RANBP2: variants seen among roughly 807,000 people sequenced by gnomAD.
The protein encoded by RANBP2 is RAN binding protein 2.
A neutral mutation model predicts 303.6 loss-of-function variants in RANBP2; 57 were observed. The ratio of observed to expected loss-of-function variants is 0.19; its 90% CI spans 0.15 to 0.23. The LOEUF is 0.23. Ranked by LOEUF, RANBP2 falls within the 10% of genes least tolerant of loss-of-function variation. RANBP2 has a pLI of 1.00. For missense variants in RANBP2, 3,138 were observed against 3,780.8 expected (o/e 0.83, Z 4.46); for synonymous variants, 1,167 against 1,301.5 (o/e 0.90, Z 2.23).
the RANBP2 span, among the ~76,000 whole-genome samples, chr2:109,293,646 G>A: frequency 6.6e-6 from 1 of 152,234 alleles, no homozygotes; most frequent in African/African-American, 2.4e-5. Context: ...TTGTCTTTGG[G>A]CAGGGCCCTC....
At chr2:108,906,034 C>T in the RANBP2 span, among the ~76,000 whole-genome samples, 1 of 146,342 alleles carries the variant, frequency 6.8e-6, no homozygotes, top group Non-Finnish European at 1.5e-5. Flanking sequence ...CTCACCGACC[C>T]TGCGTTTCCC....
the RANBP2 span, among the ~76,000 whole-genome samples, chr2:109,075,210 A>G: frequency 6.7e-6 from 1 of 149,826 alleles, no homozygotes; most frequent in Non-Finnish European, 1.5e-5. Context: ...AAACCCCGCA[A>G]AATCAGAGGT....
At chr2:109,245,481 T>C in the RANBP2 span, among the ~76,000 whole-genome samples, 1 of 152,236 alleles carries the variant, frequency 6.6e-6, no homozygotes, top group Non-Finnish European at 1.5e-5. Context: ...CTATGTGAGT[T>C]GATTATTTTC....
At chr2:109,672,714 G>A in the RANBP2 span, among the ~76,000 whole-genome samples, 42 of 152,070 alleles carry the variant, frequency 2.8e-4, no homozygotes, top group Non-Finnish European at 4.7e-4. Context: ...TTATAAGGCC[G>A]GTAATTTTGA....
chr2:109,371,575 C>T, the RANBP2 span: 38 of 1,613,054 alleles, frequency 2.4e-5, no homozygotes, highest in Middle Eastern at 3.3e-4. Flanking sequence ...ACGGTGGACC[C>T]GGAACTGCAG....
At chr2:108,857,089 T>C in the RANBP2 span, 1 of 533,118 alleles carries the variant, frequency 1.9e-6, no homozygotes, top group Non-Finnish European at 3.0e-6. Context: ...TTTTTTTTTT[T>C]TTTTTTTTGA....
chr2:108,977,927 T>G, the RANBP2 span, among the ~76,000 whole-genome samples: 2 of 152,240 alleles, frequency 1.3e-5, no homozygotes, highest in South Asian at 4.1e-4. Flanking sequence ...GCTTATTCTC[T>G]TATCTATAGG....
At chr2:108,774,941 C>A (rs1206867167) in intron 23 of RANBP2, among the ~76,000 whole-genome samples, 3 of 152,128 alleles carry the variant, frequency 2.0e-5, no homozygotes, top group Non-Finnish European at 4.4e-5. Context: ...TTCCTCCTGA[C>A]TTGGCCTCCC....
the RANBP2 span, among the ~76,000 whole-genome samples, chr2:109,646,657 ATTTTTTTTT>A: frequency 1.7e-5 from 2 of 119,016 alleles, no homozygotes; most frequent in East Asian, 2.5e-4. Flanking sequence ...ATGACTGGCT[ATTTTTTTTT>A]TTTTTTTTTT....
the RANBP2 span, among the ~76,000 whole-genome samples, chr2:109,519,251 T>A: frequency 6.6e-6 from 1 of 152,040 alleles, no homozygotes; most frequent in African/African-American, 2.4e-5. Flanking sequence ...ACCAGATCTC[T>A]CCTGAGAACT....
the RANBP2 span, among the ~76,000 whole-genome samples, chr2:109,685,877 G>A: frequency 1.3e-5 from 2 of 152,144 alleles, no homozygotes; most frequent in African/African-American, 4.8e-5. Flanking sequence ...GGAGAGTTGG[G>A]AAGAGCATGG....
At chr2:108,960,491 G>A in the RANBP2 span, among the ~76,000 whole-genome samples, 1 of 152,162 alleles carries the variant, frequency 6.6e-6, no homozygotes, top group South Asian at 2.1e-4. Flanking sequence ...TGGAAGGTGG[G>A]GGCATGAGGA....
the RANBP2 span, among the ~76,000 whole-genome samples, chr2:109,443,271 G>T: frequency 6.6e-6 from 1 of 152,236 alleles, no homozygotes; most frequent in Non-Finnish European, 1.5e-5. Context: ...ATTAACAGGT[G>T]CCAGAGCTGG....
At chr2:108,731,699 A>G in intron 4 of RANBP2, 2 of 846,070 alleles carry the variant, frequency 2.4e-6, no homozygotes, top group Non-Finnish European at 3.4e-6. Flanking sequence ...AATAATTAAT[A>G]TTTTAGGGAT....
At chr2:108,849,459 A>T in the RANBP2 span, among the ~76,000 whole-genome samples, 42 of 152,090 alleles carry the variant, frequency 2.8e-4, no homozygotes, top group Non-Finnish European at 5.3e-4. Context: ...ACTGGATTTC[A>T]GGAATACTGC....
the RANBP2 span, among the ~76,000 whole-genome samples, chr2:109,392,376 C>A: frequency 6.6e-6 from 1 of 152,200 alleles, no homozygotes; most frequent in South Asian, 2.1e-4. Flanking sequence ...CACTTAACCT[C>A]TCTGAGCCTC....
At chr2:109,160,519 G>T in the RANBP2 span, among the ~76,000 whole-genome samples, 1 of 152,232 alleles carries the variant, frequency 6.6e-6, no homozygotes, top group African/African-American at 2.4e-5. Flanking sequence ...TGAGGACTCT[G>T]TGGTGGATTC....
chr2:109,621,354 T>C, the RANBP2 span, among the ~76,000 whole-genome samples: 51 of 152,054 alleles, frequency 3.4e-4, no homozygotes, highest in Admixed American at 7.2e-4. Flanking sequence ...GGTTTCACCA[T>C]GTTGGCCAGG....
chr2:109,580,913 A>C, the RANBP2 span, among the ~76,000 whole-genome samples: 1 of 152,212 alleles, frequency 6.6e-6, no homozygotes, highest in Non-Finnish European at 1.5e-5. Context: ...CCCAGACAGG[A>C]GTTCAAGGAG....
Sources: allele counts gnomAD v4.1 joint callset (sites outside exome capture counted in the v4.1 genomes callset), GRCh38; gene constraint gnomAD v4.1.1; transcripts MANE v1.5; gene names NCBI Gene and HGNC (gene_info 2026-07-23, HGNC 2026-07-21).